Variants in DCC observed in about 807,000 individuals in gnomAD.
The protein encoded by DCC is DCC netrin 1 receptor.
Under a neutral mutation model 172.5 loss-of-function variants are expected in DCC, and 58 were observed. The observed-to-expected ratio is 0.34, with a 90% confidence interval of 0.27 to 0.42. DCC has a LOEUF of 0.42. DCC is among the 10% of genes least tolerant of loss of function. DCC has a pLI of 1.00. For synonymous variants in DCC, 709 were observed against 644.5 expected, an observed-to-expected ratio of 1.10 and a Z score of -1.52; for missense variants, 1,740 against 1,791.0, an observed-to-expected ratio of 0.97 and a Z score of 0.51.
chr18:53,060,870 T>C (rs967562579), intron 5 of DCC, among the ~76,000 whole-genome samples: 13 of 152,244 alleles, frequency 8.5e-5, no homozygotes, highest in African/African-American at 3.1e-4. Context: ...TTCTGTTATG[T>C]AGAGCACACT....
At chr18:53,313,959 A>G (rs2057314513) in intron 13 of DCC, among the ~76,000 whole-genome samples, 1 of 152,238 alleles carries the variant, frequency 6.6e-6, no homozygotes, top group Non-Finnish European at 1.5e-5. Flanking sequence ...AAAAATCAAG[A>G]AAGTAACCTG....
At chr18:52,984,512 T>C (rs2041261770) in intron 5 of DCC, among the ~76,000 whole-genome samples, 2 of 152,136 alleles carry the variant, frequency 1.3e-5, no homozygotes, top group Admixed American at 1.3e-4. Context: ...ATAATGGCTT[T>C]TAAAAGTAAG....
At chr18:52,891,977 C>T (rs1158581995) in intron 2 of DCC, among the ~76,000 whole-genome samples, 1 of 152,000 alleles carries the variant, frequency 6.6e-6, no homozygotes, top group African/African-American at 2.4e-5. Context: ...GCTTAAAATC[C>T]CTTAATAACA....
At chr18:52,950,929 C>CAAAAAAAAAAAAAAAAAAAAAAA (rs755118442) in intron 5 of DCC, among the ~76,000 whole-genome samples, 1 of 57,408 alleles carries the variant, frequency 1.7e-5, no homozygotes, top group Non-Finnish European at 3.1e-5. Context: ...GACTCCGTCT[C>CAAAAAAAAAAAAAAAAAAAAAAA]AAAAAAAAAA....
intron 24 of DCC, among the ~76,000 whole-genome samples, chr18:53,464,667 A>G (rs1425200695): frequency 6.6e-6 from 1 of 151,960 alleles, no homozygotes; most frequent in East Asian, 1.9e-4. Context: ...ACACCCAACA[A>G]TATCAAAGGA....
rs904106574 is a variant in DCC, at chr18:52,393,295, C to T, written c.91+52417C>T. Reference sequence around the variant, plus strand: ...GGAATCTCATGGAATGTAGAGGGGACGATGCAGATATAGTTTGAAGAAAGC... The same window carrying T: ...GGAATCTCATGGAATGTAGAGGGGATGATGCAGATATAGTTTGAAGAAAGC... On this transcript the variant is annotated intron_variant, in intron 1 of 28. Transcript: ENST00000442544. 2.7e-4 allele frequency among the ~76,000 whole-genome samples: 41 copies of T among 151,978 alleles called. 1 individual carries two copies. The highest frequency in any genetic ancestry group is 2.2e-3 in the Admixed American group (34 of 15,236).
chr18:52,422,802 G>A (rs889261782), intron 1 of DCC, among the ~76,000 whole-genome samples: 1 of 152,160 alleles, frequency 6.6e-6, no homozygotes, highest in African/African-American at 2.4e-5. Flanking sequence ...AATATGTGAA[G>A]AAGGTATAAG....
At chr18:53,386,504 G>A (rs1430519056) in intron 16 of DCC, among the ~76,000 whole-genome samples, 1 of 152,036 alleles carries the variant, frequency 6.6e-6, no homozygotes, top group African/African-American at 2.4e-5. Context: ...TGCCATCTTT[G>A]TCCCTGCATA....
intron 1 of DCC, among the ~76,000 whole-genome samples, chr18:52,584,237 G>A (rs763070748): frequency 6.6e-6 from 1 of 152,198 alleles, no homozygotes; most frequent in Non-Finnish European, 1.5e-5. Flanking sequence ...AAGGAACGTG[G>A]CTTCTAGCCC....
intron 1 of DCC, among the ~76,000 whole-genome samples, chr18:52,480,606 C>G (rs1384269093): frequency 1.3e-5 from 2 of 152,100 alleles, no homozygotes; most frequent in Non-Finnish European, 2.9e-5. Flanking sequence ...AATATATTTG[C>G]AGAGTAATTA....
chr18:52,603,591 TACACACACACACACAC>T (rs10553153), intron 1 of DCC, among the ~76,000 whole-genome samples: 5 of 144,610 alleles, frequency 3.5e-5, no homozygotes, highest in African/African-American at 1.3e-4. Context: ...GTGAAGTTAA[TACACACACACACACAC>T]ACACACACAC....
At chr18:53,294,246 C>T (rs539918188) in intron 12 of DCC, among the ~76,000 whole-genome samples, 1 of 152,158 alleles carries the variant, frequency 6.6e-6, no homozygotes, top group African/African-American at 2.4e-5. Context: ...AAAAATAACC[C>T]TAACTGTGTT....
intron 1 of DCC, among the ~76,000 whole-genome samples, chr18:52,432,008 T>C (rs539699314): frequency 6.6e-6 from 1 of 152,110 alleles, no homozygotes; most frequent in African/African-American, 2.4e-5. Flanking sequence ...CTCTGCTGAT[T>C]CTTCTTCCTC....
At chr18:53,055,514 T>C (rs2042391846) in intron 5 of DCC, among the ~76,000 whole-genome samples, 1 of 152,122 alleles carries the variant, frequency 6.6e-6, no homozygotes, top group Non-Finnish European at 1.5e-5. Context: ...TCTAGTACAG[T>C]AGAAGGGCCA....
chr18:52,736,494 T>C (rs1250919489), intron 1 of DCC, among the ~76,000 whole-genome samples: 2 of 152,062 alleles, frequency 1.3e-5, no homozygotes, highest in Non-Finnish European at 2.9e-5. Flanking sequence ...TTCATTCCTC[T>C]GGCTGTGCAA....
intron 1 of DCC, among the ~76,000 whole-genome samples, chr18:52,379,345 A>G (rs549206201): frequency 6.6e-6 from 1 of 152,212 alleles, no homozygotes; most frequent in Admixed American, 6.5e-5. Context: ...AAAAGATCTG[A>G]TTTTAAATCC....
chr18:53,493,847 GTTATTTC>G (rs1482763140), intron 26 of DCC, among the ~76,000 whole-genome samples: 4 of 151,790 alleles, frequency 2.6e-5, no homozygotes, highest in African/African-American at 9.7e-5. Flanking sequence ...TCTGATCTTA[GTTATTTC>G]TTGTCTTCTG....
chr18:52,442,192 T>C (rs1407375495), intron 1 of DCC, among the ~76,000 whole-genome samples: 1 of 152,214 alleles, frequency 6.6e-6, no homozygotes, highest in Non-Finnish European at 1.5e-5. Flanking sequence ...TCATAATCTA[T>C]GTTATAAAAA....
chr18:52,787,188 A>G (rs2037676012), intron 2 of DCC, among the ~76,000 whole-genome samples: 2 of 152,188 alleles, frequency 1.3e-5, no homozygotes, highest in African/African-American at 4.8e-5. Flanking sequence ...TTCTGAGTAC[A>G]GTCCATTAGT....
Sources: allele counts gnomAD v4.1 joint callset (sites outside exome capture counted in the v4.1 genomes callset), GRCh38; gene constraint gnomAD v4.1.1; transcripts MANE v1.5; gene names NCBI Gene and HGNC (gene_info 2026-07-23, HGNC 2026-07-21).